LRP4: variants seen among roughly 807,000 people sequenced by gnomAD.
The protein encoded by LRP4 is low-density lipoprotein receptor-related protein 4.
LRP4 carries 95 observed loss-of-function variants against 220.3 expected under a neutral mutation model. The observed-to-expected ratio is 0.43, with a 90% CI of 0.37 to 0.51. The LOEUF is 0.51. LRP4 is among the 20% of genes least tolerant of loss of function. The pLI, the probability that LRP4 is intolerant of heterozygous loss-of-function variation, is 0.00. For missense variants in LRP4, 1,925 were observed against 2,567.0 expected (o/e 0.75, Z 5.40); for synonymous variants, 903 against 954.6 (o/e 0.95, Z 1.00).
rs71042631 is a variant in LRP4 at position 46,878,274 on chromosome 11, CTTTTTTTTT to C, written c.3136+624_3136+632del. On this transcript the variant is annotated intron_variant, in intron 22 of 37. Transcript: ENST00000378623. Reference sequence around the variant, plus strand: ...ACCAATTTTGGGCAGTTAGAAGTGTCTTTTTTTTTTTTTTTTTTTTTTTGAGACAGAGTC... The same window carrying C: ...ACCAATTTTGGGCAGTTAGAAGTGTCTTTTTTTTTTTTTTGAGACAGAGTC... Among the ~76,000 whole-genome samples, 11 of 74,980 alleles carry C rather than the reference CTTTTTTTTT, an allele frequency of 1.5e-4. No homozygotes were observed. The East Asian group carries it at 4.3e-3, about 29-fold the overall frequency. 49.2% of individuals were successfully genotyped at this position (74,980 alleles called of 152,430 possible).
chr11:46,870,369 G>A (rs556656922), intron 31 of LRP4, among the ~76,000 whole-genome samples: 47 of 152,238 alleles, frequency 3.1e-4, no homozygotes, highest in South Asian at 1.9e-3. Context: ...GCAAAAAAGG[G>A]TCAAATTTAT....
chr11:46,875,037 A>G lies in LRP4; in HGVS notation c.3992T>C (p.Phe1331Ser). ...GATGCCAGTGGGGCAGGCACAGGAG[A>G]AGCCAGAAGGCCGAGGCAAGCAGAG... ...SHLCLPRPSG[F>S]SCACPTGIQL... is the part of the protein sequence containing the mutation. The change falls in exon 28 of 38, where the codon TTC becomes TCC. Residue 1331 changes from phenylalanine (F) to serine (S), a missense_variant. By Grantham distance (155) the Phe-to-Ser change is radical (BLOSUM62 -2). This residue lies in a region of LRP4 where 1,244 missense variants were observed against 1,624.9 expected (regional missense o/e 0.77). Transcript: ENST00000378623. This position sits in a 1 kb window ranked among gnomAD's most constrained non-coding sequence, Gnocchi z 4.5. The G allele has an allele frequency of 6.2e-7, 1 of 1,614,046 alleles. No individual in the cohort carries two copies. The highest frequency in any genetic ancestry group is 8.5e-7 in the Non-Finnish European group (1 of 1,180,022).
At chr11:46,896,371 G>A (rs758261352) in intron 8 of LRP4, 36 bp from the exon 9 acceptor site, 1 of 1,609,822 alleles carries the variant, frequency 6.2e-7, no homozygotes, top group Non-Finnish European at 8.5e-7. Context: ...AGCAAGGCAG[G>A]GCTTGGGCCA....
rs530643685 is a variant in LRP4, at chr11:46,859,519, C to T, written c.5386-204G>A. 3.2e-4 allele frequency among the ~76,000 whole-genome samples: 49 copies of T among 152,238 alleles called. 2 individuals carry two copies. The highest frequency in any genetic ancestry group is 1.8e-3 in the Admixed American group (28 of 15,284). On this transcript the variant is annotated intron_variant, in intron 37 of 37. Coordinates refer to ENST00000378623, the MANE Select transcript of LRP4 (RefSeq NM_002334.4). ...GCAGCTGTGATAATTATTACCATTA[C>T]CATACAGGAGGAGGGAAAACCATGG...
At position 46,898,579 on chromosome 11, in the gene LRP4, G is replaced by A; in HGVS notation, c.775C>T (p.Gln259Ter). 1.9e-6 allele frequency: 3 copies of A among 1,614,126 alleles called. No homozygotes were observed. Among genetic ancestry groups the A allele is most frequent in the Non-Finnish European group, 2.5e-6 (3 of 1,180,022 alleles). The change falls in exon 7 of 38, where the codon CAG (glutamine) becomes TAG (stop). Residue 259 changes from glutamine to a stop codon, truncating the protein, a stop_gained. Coordinates refer to ENST00000378623, the MANE Select transcript of LRP4 (RefSeq NM_002334.4). LOFTEE classifies it high-confidence loss of function. ...TCACTGCAGTTGCGCTCATCAGACT[G>A]GTCATCACAGTCCGCGTCACCATCG... ...RCDGDADCDD[Q>*]SDERNCTTSM...
At position 46,857,787 on chromosome 11, in the gene LRP4, GC is replaced by G. The variant is rs1940416903; in HGVS notation, c.*1195del. On this transcript the variant is annotated 3_prime_UTR_variant, in exon 38 of 38. Coordinates refer to ENST00000378623, the MANE Select transcript of LRP4 (RefSeq NM_002334.4). ...TGATGGCATCCCACATGGAAACTAAGCCCCTTAGCTGAGGGGACAGCTGGAA... is the reference window on the plus strand; with the variant it reads ...TGATGGCATCCCACATGGAAACTAAGCCCTTAGCTGAGGGGACAGCTGGAA... 1.3e-5 allele frequency: 2 copies of G among 152,720 alleles called. No individual in the cohort carries two copies. Among genetic ancestry groups the G allele is most frequent in the South Asian group, 4.1e-4 (2 of 4,824 alleles). The allele number at this position is 152,720 out of a possible 1,614,324, so 9.5% of individuals were successfully genotyped here.
intron 10 of LRP4, 38 bp from the exon 11 acceptor site, chr11:46,895,329 T>C: frequency 6.2e-7 from 1 of 1,607,666 alleles, no homozygotes; most frequent in Non-Finnish European, 8.5e-7. Flanking sequence ...CTCCCTTCTG[T>C]CGTCCTCCCA....
chr11:46,889,287 T>C (rs1941367253), intron 16 of LRP4, 124 bp downstream of exon 16: 1 of 1,342,794 alleles, frequency 7.4e-7, no homozygotes. Context: ...GTTCTTCCTC[T>C]CCAGGGCTCC....
chr11:46,896,811 T>C (rs1194375335), intron 8 of LRP4, 58 bp downstream of exon 8: 3 of 1,612,330 alleles, frequency 1.9e-6, no homozygotes, highest in African/African-American at 1.3e-5. Context: ...CACCCTCTTT[T>C]CCACCCTTCC....
At chr11:46,912,085 G>A (rs1390416807) in intron 1 of LRP4, among the ~76,000 whole-genome samples, 1 of 151,982 alleles carries the variant, frequency 6.6e-6, no homozygotes. Flanking sequence ...AACTCCTGAC[G>A]TCAAGTGATC....
chr11:46,884,736 C>CAAAA (rs71042633), intron 18 of LRP4, among the ~76,000 whole-genome samples: 1 of 40,754 alleles, frequency 2.5e-5, no homozygotes, highest in African/African-American at 8.8e-5. Flanking sequence ...GACTCCGTCT[C>CAAAA]AAAAAAAAAA....
At chr11:46,862,520 CG>C in intron 37 of LRP4, 85 bp downstream of exon 37, 1 of 1,315,056 alleles carries the variant, frequency 7.6e-7, no homozygotes, top group Non-Finnish European at 1.1e-6. Flanking sequence ...ACTCAGCAGC[CG>C]TTACTGACTT....
chr11:46,898,140 G>A (rs1304620155), intron 7 of LRP4, among the ~76,000 whole-genome samples: 4 of 137,106 alleles, frequency 2.9e-5, no homozygotes, highest in African/African-American at 8.2e-5. Context: ...GCGGCTGGCC[G>A]GGCAGAGGGG....
rs576719115 is a variant in LRP4, at chr11:46,861,523, C to CTTT, written c.5385+1080_5385+1082dup. Among the ~76,000 whole-genome samples, 377 of 83,458 alleles carry CTTT rather than the reference C, an allele frequency of 4.5e-3. 73 individuals carry two copies. Among genetic ancestry groups the CTTT allele is most frequent in the East Asian group, 0.011 (23 of 2,160 alleles). The allele number at this position is 83,458 out of a possible 152,430, so 54.8% of individuals were successfully genotyped here. ...AGTTAGTTTCCTTGTGGAAATGGGACTTTTTTTTTTTTTTTTTTTTTTGAG... is the reference window on the plus strand; with the variant it reads ...AGTTAGTTTCCTTGTGGAAATGGGACTTTTTTTTTTTTTTTTTTTTTTTTTGAG... On this transcript the variant is annotated intron_variant, in intron 37 of 37. Transcript: ENST00000378623.
Position 46,899,334 on chromosome 11 carries a change from C to CAG in LRP4, c.547+51_547+52dup. 7.1e-7 allele frequency: 1 copy of CAG among 1,415,306 alleles called. No homozygotes were observed. Among genetic ancestry groups the CAG allele is most frequent in the Non-Finnish European group, 1.0e-6 (1 of 999,426 alleles). The allele number at this position is 1,415,306 out of a possible 1,614,324, so 87.7% of individuals were successfully genotyped here. A position where few individuals can be genotyped will look rare whatever the true frequency, so the allele number is the denominator to read the frequency against. ...CTCAGCCTCGCCCTTAGCCAATGGG[C>CAG]AGAACTGTCTGCCCTCATCCAACCC... On this transcript the variant is annotated intron_variant, in intron 5 of 37. Coordinates refer to ENST00000378623, the MANE Select transcript of LRP4 (RefSeq NM_002334.4). The surrounding 1 kb of genome is among the most constrained non-coding windows in gnomAD (Gnocchi z 5.9).
chr11:46,889,496 C>G lies in LRP4; in HGVS notation c.2130G>C (p.Thr710=), dbSNP rs199674492. ...NRCGDNNGGC[T]HLCLPSGQNY... ...TCTGGCCACTGGGCAGACACAGGTG[C>G]GTGCAGCCTCCGTTGTTGTCCCCAC... The change falls in exon 16 of 38, where the codon ACG becomes ACC. Residue 710 remains threonine (T), a synonymous_variant. Coordinates refer to ENST00000378623, the MANE Select transcript of LRP4 (RefSeq NM_002334.4). 2 of 1,613,922 alleles carry G rather than the reference C, an allele frequency of 1.2e-6. No homozygotes were observed. The highest frequency in any genetic ancestry group is 2.7e-5 in the African/African-American group (2 of 74,928).
chr11:46,888,760 T>C (rs1336966898), intron 16 of LRP4, among the ~76,000 whole-genome samples: 4 of 152,134 alleles, frequency 2.6e-5, no homozygotes, highest in African/African-American at 9.7e-5. Context: ...GCTGCTGATG[T>C]GTGAGGAATC....
rs60125188 is a variant in LRP4 at position 46,881,058 on chromosome 11, C to CAAA, written c.2814+641_2814+643dup. On this transcript the variant is annotated intron_variant, in intron 20 of 37. Coordinates refer to ENST00000378623, the MANE Select transcript of LRP4 (RefSeq NM_002334.4). Reference sequence around the variant, plus strand: ...CAGCATGACCCTGCCTCTAAAAAACCAAAAAAAAAAAAAAAAAAAAAAAAA... The same window carrying CAAA: ...CAGCATGACCCTGCCTCTAAAAAACCAAAAAAAAAAAAAAAAAAAAAAAAAAAA... 0.01 allele frequency among the ~76,000 whole-genome samples: 578 copies of CAAA among 56,116 alleles called. 100 individuals carry two copies. The East Asian group carries it at 0.21, about 20-fold the overall frequency. The allele number at this position is 56,116 out of a possible 152,430, so 36.8% of individuals were successfully genotyped here. A position where few individuals can be genotyped will look rare whatever the true frequency, so the allele number is the denominator to read the frequency against.
chr11:46,875,020 T>C lies in LRP4; in HGVS notation c.4009A>G (p.Thr1337Ala), dbSNP rs1398167777. 1.9e-6 allele frequency: 3 copies of C among 1,613,716 alleles called. No individual in the cohort carries two copies. The highest frequency in any genetic ancestry group is 1.1e-5 in the South Asian group (1 of 91,036). Residue 1337 changes from threonine (T) to alanine (A), a missense_variant, in exon 28 of 38, where the codon ACT becomes GCT. Thr to Ala is a moderately conservative substitution (Grantham distance 58). Around this residue, in one of 3 missense-constraint regions of LRP4, gnomAD observed 1,244 missense variants for 1,624.9 expected, o/e 0.77. Coordinates refer to ENST00000378623, the MANE Select transcript of LRP4 (RefSeq NM_002334.4). The surrounding 1 kb of genome is among the most constrained non-coding windows in gnomAD (Gnocchi z 4.5). ...RPSGFSCACP[T>A]GIQLKGDGKT... ...CCATCTCCCTTCAGCTGGATGCCAG[T>C]GGGGCAGGCACAGGAGAAGCCAGAA...
Sources: gnomAD v4.1 joint callset for allele counts (sites outside exome capture counted in the v4.1 genomes callset) on GRCh38, gnomAD v4.1.1 for gene constraint, gnomAD v4.1.1 regional missense constraint, Gnocchi (gnomAD v3.1) non-coding constraint, MANE v1.5 for transcripts, NCBI Gene and HGNC (gene_info 2026-07-23, HGNC 2026-07-21) for gene names.